PDGFRL: variants seen among roughly 807,000 people sequenced by gnomAD.
PDGFRL encodes the protein platelet derived growth factor receptor like.
PDGFRL carries 46 observed loss-of-function variants against 37.2 expected under a neutral mutation model. The ratio of observed to expected loss-of-function variants is 1.24; its 90% CI spans 0.98 to 1.58. The LOEUF is 1.58. Ranked by LOEUF, PDGFRL falls within the 40% of genes most tolerant of loss-of-function variation. PDGFRL has a pLI of 0.00. For missense variants in PDGFRL, 692 were observed against 467.6 expected, an observed-to-expected ratio of 1.48 and a Z score of -4.43; for synonymous variants, 251 against 184.3, an observed-to-expected ratio of 1.36 and a Z score of -2.93.
chr8:17,608,171 T>A (rs1804324540), intron 2 of PDGFRL, among the ~76,000 whole-genome samples: 1 of 152,222 alleles, frequency 6.6e-6, no homozygotes, highest in South Asian at 2.1e-4. Flanking sequence ...GAGTTCATCC[T>A]GATTTGCCCC....
At chr8:17,640,133 T>C (rs1805060881) in intron 5 of PDGFRL, among the ~76,000 whole-genome samples, 1 of 152,202 alleles carries the variant, frequency 6.6e-6, no homozygotes, top group South Asian at 2.1e-4. Context: ...GAAATTATGA[T>C]TGTTTTCTAT....
chr8:17,589,535 C>T lies in PDGFRL; in HGVS notation c.123C>T (p.Thr41=), dbSNP rs1226634492. Residue 41 remains threonine, a synonymous_variant, in exon 2 of 6, where the codon ACC becomes ACT. Transcript: ENST00000251630. ...KEPGENRIKP[T]NKKVKPKIPK... ...CAGGAGAGAATAGAATCAAACCTAC[C>T]AACAAGAAGGTGAAGCCCAAAATTC... 1.2e-6 allele frequency: 2 copies of T among 1,613,402 alleles called. No homozygotes were observed. The highest frequency in any genetic ancestry group is 2.2e-5 in the South Asian group (2 of 91,066).
chr8:17,636,752 C>T (rs942782816), intron 5 of PDGFRL, among the ~76,000 whole-genome samples: 8 of 151,900 alleles, frequency 5.3e-5, no homozygotes, highest in Non-Finnish European at 8.8e-5. Flanking sequence ...CATGAGCATG[C>T]GATGTGTTTC....
intron 5 of PDGFRL, among the ~76,000 whole-genome samples, chr8:17,641,836 G>GCAC (rs2129867630): frequency 6.7e-6 from 1 of 149,156 alleles, no homozygotes; most frequent in African/African-American, 2.5e-5. Context: ...CTGGTACCAG[G>GCAC]CACTTGATTA....
chr8:17,628,905 T>C (rs1804796931), intron 4 of PDGFRL, 125 bp downstream of exon 4: 1 of 654,354 alleles, frequency 1.5e-6, no homozygotes, highest in South Asian at 2.0e-5. Flanking sequence ...TGTTGTTGGG[T>C]TGTTGTTGTT....
upstream of PDGFRL, chr8:17,576,725 G>T: frequency 1.0e-6 from 1 of 984,312 alleles, no homozygotes; most frequent in African/African-American, 1.7e-5. Flanking sequence ...GCCAGACACA[G>T]AGGAGCAGCA....
At chr8:17,581,891 C>G (rs1803715681) in intron 1 of PDGFRL, among the ~76,000 whole-genome samples, 1 of 152,032 alleles carries the variant, frequency 6.6e-6, no homozygotes, top group African/African-American at 2.4e-5. Context: ...AAATTGGTAC[C>G]AAGGAGTGGG....
At chr8:17,602,500 G>A (rs1396713341) in intron 2 of PDGFRL, among the ~76,000 whole-genome samples, 2 of 152,072 alleles carry the variant, frequency 1.3e-5, no homozygotes, top group Non-Finnish European at 2.9e-5. Context: ...TTTTAAAGCT[G>A]TAGACTAAAC....
chr8:17,589,724 C>T lies in PDGFRL; in HGVS notation c.312C>T (p.Ser104=), dbSNP rs140370204. Residue 104 remains serine, a synonymous_variant, in exon 2 of 6, where the codon AGC becomes AGT. Coordinates refer to ENST00000251630, the MANE Select transcript of PDGFRL (RefSeq NM_001372073.1). ...GTAAAGGGAGTAGAATTGGGTGGAGCTACCCTGCGTATCTGGACACCTTTA... is the reference window on the plus strand; with the variant it reads ...GTAAAGGGAGTAGAATTGGGTGGAGTTACCCTGCGTATCTGGACACCTTTA... ...LRCKGSRIGW[S]YPAYLDTFKD... 2 of 1,612,908 alleles carry T rather than the reference C, an allele frequency of 1.2e-6. No individual in the cohort carries two copies. Among genetic ancestry groups the T allele is most frequent in the Admixed American group, 3.3e-5 (2 of 59,996 alleles).
At chr8:17,583,804 G>T (rs902459206) in intron 1 of PDGFRL, among the ~76,000 whole-genome samples, 21 of 150,672 alleles carry the variant, frequency 1.4e-4, no homozygotes, top group Non-Finnish European at 2.5e-4. Flanking sequence ...TCTCTCTCTT[G>T]CTTCTTCTCT....
chr8:17,577,032 C>T, upstream of PDGFRL: 2 of 617,588 alleles, frequency 3.2e-6, no homozygotes, highest in Non-Finnish European at 5.4e-6. Flanking sequence ...AGAAGTGCTG[C>T]GCACCGCGGC....
At chr8:17,581,772 A>G (rs1803713201) in intron 1 of PDGFRL, among the ~76,000 whole-genome samples, 1 of 152,182 alleles carries the variant, frequency 6.6e-6, no homozygotes, top group South Asian at 2.1e-4. Context: ...TGTTGGTTCC[A>G]TGCTTCTTGT....
intron 2 of PDGFRL, among the ~76,000 whole-genome samples, chr8:17,606,181 A>AT (rs369686676): frequency 0.97 from 147,271 of 151,958 alleles, 71,517 homozygotes; most frequent in Non-Finnish European, 1. Flanking sequence ...TGAGTAAGGT[A>AT]TTTTTTTTCA....
chr8:17,639,155 A>G (rs1805041484), intron 5 of PDGFRL, among the ~76,000 whole-genome samples: 1 of 152,102 alleles, frequency 6.6e-6, no homozygotes, highest in Non-Finnish European at 1.5e-5. Context: ...TGTTAGTCCT[A>G]TTTGTTAGGT....
Position 17,625,799 on chromosome 8 carries a change from G to A in PDGFRL, c.506-2688G>A, listed in dbSNP as rs140525748. Among the ~76,000 whole-genome samples, 144 of 152,142 alleles carry A rather than the reference G, an allele frequency of 9.5e-4. 2 individuals are homozygous for A. The East Asian group carries it at 0.026, about 27-fold the overall frequency. On this transcript the variant is annotated intron_variant, in intron 3 of 5. Transcript: ENST00000251630. ...AGTCCAGGAGTTTGAGACCAGCCTGGGCAACATAGTGAGACCCTGACTCTA... is the reference window on the plus strand; with the variant it reads ...AGTCCAGGAGTTTGAGACCAGCCTGAGCAACATAGTGAGACCCTGACTCTA...
rs1805186071 is a variant in PDGFRL, at chr8:17,643,057, G to A, written c.*256G>A. The A allele has an allele frequency of 1.3e-5, 5 of 376,012 alleles. No homozygotes were observed. Among genetic ancestry groups the A allele is most frequent in the Middle Eastern group, 6.9e-4 (1 of 1,456 alleles). 23.3% of individuals were successfully genotyped at this position (376,012 alleles called of 1,614,324 possible). A position where few individuals can be genotyped will look rare whatever the true frequency, so the allele number is the denominator to read the frequency against. On this transcript the variant is annotated 3_prime_UTR_variant, in exon 6 of 6. Transcript: ENST00000251630. ...ACGTGTTCCTAGTTTTTATACATGT[G>A]TAAACAATTTTATATAATCAATCAT... is the stretch of plus-strand genomic sequence containing the variant.
intron 5 of PDGFRL, among the ~76,000 whole-genome samples, chr8:17,634,802 C>G (rs561212000): frequency 6.6e-6 from 1 of 152,150 alleles, no homozygotes; most frequent in African/African-American, 2.4e-5. Context: ...GGAACACACA[C>G]TGGGGCCTAC....
At chr8:17,617,384 C>T (rs550839504) in intron 2 of PDGFRL, among the ~76,000 whole-genome samples, 1 of 152,268 alleles carries the variant, frequency 6.6e-6, no homozygotes, top group South Asian at 2.1e-4. Flanking sequence ...CCACTTTCTC[C>T]ATCCCTGGGG....
intron 2 of PDGFRL, among the ~76,000 whole-genome samples, chr8:17,593,151 G>C (rs1803978452): frequency 1.3e-5 from 2 of 152,174 alleles, no homozygotes; most frequent in East Asian, 1.9e-4. Flanking sequence ...GAGGGAGAAA[G>C]TGAATCCGTT....
Sources: gnomAD v4.1 joint callset for allele counts (sites outside exome capture counted in the v4.1 genomes callset) on GRCh38, gnomAD v4.1.1 for gene constraint, MANE v1.5 for transcripts, NCBI Gene and HGNC (gene_info 2026-07-23, HGNC 2026-07-21) for gene names.